FOXP2: variants seen among roughly 807,000 people sequenced by gnomAD.
The protein encoded by FOXP2 is forkhead box protein P2.
A neutral mutation model predicts 115.8 loss-of-function variants in FOXP2; 12 were observed. That is an observed-to-expected ratio of 0.10 (90% CI 0.07 to 0.17). The LOEUF is 0.17. FOXP2 is among the 10% of genes least tolerant of loss of function. The pLI is 1.00. For synonymous variants in FOXP2, 328 were observed against 297.7 expected (o/e 1.10, Z -1.05); for missense variants, 629 against 843.5 (o/e 0.75, Z 3.15).
intron 2 of FOXP2, among the ~76,000 whole-genome samples, chr7:114,459,908 A>C (rs1213636379): frequency 6.6e-6 from 1 of 152,138 alleles, no homozygotes; most frequent in African/African-American, 2.4e-5. Context: ...GAGCCACCAC[A>C]GCCAGCCTAC....
intron 3 of FOXP2, among the ~76,000 whole-genome samples, chr7:114,621,719 G>A (rs1466865704): frequency 2.6e-5 from 4 of 151,992 alleles, no homozygotes; most frequent in Admixed American, 6.6e-5. Context: ...TTTGGAACCA[G>A]AGAAAAGCAA....
intron 2 of FOXP2, among the ~76,000 whole-genome samples, chr7:114,494,710 C>A (rs1346414352): frequency 6.6e-6 from 1 of 151,908 alleles, no homozygotes; most frequent in African/African-American, 2.4e-5. Context: ...ATTGCAAATT[C>A]TGGAATAATT....
intron 3 of FOXP2, among the ~76,000 whole-genome samples, chr7:114,622,082 A>G (rs1217969351): frequency 1.3e-5 from 2 of 151,996 alleles, no homozygotes; most frequent in Non-Finnish European, 2.9e-5. Flanking sequence ...ATCTGCTGTT[A>G]GTAATTTTAC....
intron 2 of FOXP2, among the ~76,000 whole-genome samples, chr7:114,478,482 G>A (rs1441196793): frequency 1.3e-5 from 2 of 151,786 alleles, no homozygotes; most frequent in Non-Finnish European, 2.9e-5. Context: ...ACTTGGTCTG[G>A]TTTATCTTCT....
chr7:114,143,946 T>C (rs1489558832), intron 1 of FOXP2, among the ~76,000 whole-genome samples: 2 of 152,140 alleles, frequency 1.3e-5, no homozygotes, highest in African/African-American at 2.4e-5. Flanking sequence ...GTTTGACTTA[T>C]AATTTTCTGA....
chr7:114,295,492 T>A (rs1203852661), intron 2 of FOXP2, among the ~76,000 whole-genome samples: 2 of 152,242 alleles, frequency 1.3e-5, no homozygotes, highest in Non-Finnish European at 2.9e-5. Context: ...CATTAGTAAT[T>A]GTATGAAAAT....
chr7:114,380,088 A>G (rs1286528292), intron 2 of FOXP2, among the ~76,000 whole-genome samples: 1 of 152,110 alleles, frequency 6.6e-6, no homozygotes, highest in Non-Finnish European at 1.5e-5. Context: ...TTTGGCTTCA[A>G]TACCCGCTTG....
At chr7:114,439,333 C>T (rs1018987898) in intron 2 of FOXP2, among the ~76,000 whole-genome samples, 1 of 152,070 alleles carries the variant, frequency 6.6e-6, no homozygotes, top group Non-Finnish European at 1.5e-5. Flanking sequence ...CATAACCTTC[C>T]TGAGCCTCTC....
intron 1 of FOXP2, among the ~76,000 whole-genome samples, chr7:114,122,168 C>T (rs1334421071): frequency 6.6e-6 from 1 of 152,042 alleles, no homozygotes; most frequent in Non-Finnish European, 1.5e-5. Flanking sequence ...TAAGCCATTG[C>T]TAAGATGACA....
At chr7:114,157,918 G>C (rs765377056) in intron 1 of FOXP2, among the ~76,000 whole-genome samples, 1 of 152,026 alleles carries the variant, frequency 6.6e-6, no homozygotes. Context: ...AAGAGAGACT[G>C]CTTTTAAGAT....
chr7:114,210,111 C>G (rs181792144), intron 1 of FOXP2, among the ~76,000 whole-genome samples: 1 of 152,280 alleles, frequency 6.6e-6, no homozygotes, highest in East Asian at 1.9e-4. Flanking sequence ...TATTAGCCAC[C>G]TTAGCAAGCC....
At chr7:114,321,680 T>C (rs1040664195) in intron 2 of FOXP2, among the ~76,000 whole-genome samples, 9 of 152,316 alleles carry the variant, frequency 5.9e-5, no homozygotes, top group Non-Finnish European at 1.2e-4. Flanking sequence ...TATAATTTTA[T>C]GCATTTTATA....
intron 1 of FOXP2, among the ~76,000 whole-genome samples, chr7:114,164,587 G>A (rs552967371): frequency 3.3e-5 from 5 of 151,880 alleles, no homozygotes; most frequent in South Asian, 4.2e-4. Flanking sequence ...TGATCCGCCC[G>A]CCTCAGCCTC....
chr7:114,584,475 T>G (rs2129303585), intron 3 of FOXP2, among the ~76,000 whole-genome samples: 1 of 152,312 alleles, frequency 6.6e-6, no homozygotes, highest in East Asian at 1.9e-4. Flanking sequence ...CCTGTATTTC[T>G]CCTATTAGTT....
chr7:114,604,684 G>T (rs1451430355), intron 3 of FOXP2, among the ~76,000 whole-genome samples: 1 of 152,098 alleles, frequency 6.6e-6, no homozygotes, highest in Non-Finnish European at 1.5e-5. Flanking sequence ...GCCTCATCTG[G>T]TAATTATTTA....
At chr7:114,287,958 T>A in intron 1 of FOXP2, 1 of 399,216 alleles carries the variant, frequency 2.5e-6, no homozygotes, top group East Asian at 7.4e-5. Flanking sequence ...ACTGCACTAA[T>A]TGTGATGTAA....
intron 1 of FOXP2, among the ~76,000 whole-genome samples, chr7:114,096,482 C>A (rs141972457): frequency 6.6e-6 from 1 of 152,126 alleles, no homozygotes; most frequent in South Asian, 2.1e-4. Context: ...CATCCCTAAT[C>A]GTACGTGTCC....
intron 2 of FOXP2, 39 bp downstream of exon 2, chr7:114,426,718 A>T (rs779756799): frequency 1.1e-5 from 17 of 1,594,422 alleles, no homozygotes; most frequent in Non-Finnish European, 2.6e-6. Context: ...TAAAACAAAT[A>T]AGCTTGTTTT....
At chr7:114,446,872 C>T (rs1345021544) in intron 2 of FOXP2, among the ~76,000 whole-genome samples, 1 of 151,894 alleles carries the variant, frequency 6.6e-6, no homozygotes, top group Non-Finnish European at 1.5e-5. Context: ...TCTCAGCCTC[C>T]CAAGTAGCTG....
Sources: allele counts gnomAD v4.1 joint callset (sites outside exome capture counted in the v4.1 genomes callset), GRCh38; gene constraint gnomAD v4.1.1; transcripts MANE v1.5; gene names NCBI Gene and HGNC (gene_info 2026-07-23, HGNC 2026-07-21).